Variants in DDR2 observed in about 807,000 individuals in gnomAD.
DDR2 encodes the protein discoidin domain receptor tyrosine kinase 2.
Under a neutral mutation model 94.9 loss-of-function variants are expected in DDR2, and 27 were observed. That is an observed-to-expected ratio of 0.28 (90% CI 0.21 to 0.39). The LOEUF is 0.39. DDR2 is among the 10% of genes least tolerant of loss of function. DDR2 has a pLI of 1.00. For missense variants in DDR2, 783 were observed against 1,076.0 expected (o/e 0.73, Z 3.81); for synonymous variants, 382 against 377.2 (o/e 1.01, Z -0.15).
chr1:162,701,561 G>A lies in DDR2; in HGVS notation c.-27-17476G>A, dbSNP rs187804587. Among the ~76,000 whole-genome samples the A allele has an allele frequency of 1.1e-3, 175 of 152,300 alleles. 1 individual carries two copies. The highest frequency in any genetic ancestry group is 6.8e-3 in the Middle Eastern group (2 of 294). ...TCAAGTTAACCTGCTTTTGCACTCT[G>A]GTGAACAGACACATAGATTATTAAA... On this transcript the variant is annotated intron_variant, in intron 2 of 17. Coordinates refer to ENST00000367921, the MANE Select transcript of DDR2 (RefSeq NM_006182.4).
Position 162,777,440 on chromosome 1 carries a change from C to G in DDR2, c.2283+1070C>G, listed in dbSNP as rs1295354794. ...CTATAATTTGATATTTAAGTACTTT[C>G]CAATTTCCTGCTATTATGAATGATG... On this transcript the variant is annotated intron_variant, in intron 16 of 17. Coordinates refer to ENST00000367921, the MANE Select transcript of DDR2 (RefSeq NM_006182.4). Among the ~76,000 whole-genome samples the G allele has an allele frequency of 3.3e-5, 5 of 151,018 alleles. No homozygotes were observed. The East Asian group carries it at 7.8e-4, about 24-fold the overall frequency.
At position 162,770,384 on chromosome 1, in the gene DDR2, C is replaced by A; in HGVS notation, c.1376C>A (p.Ser459Tyr). Reference protein sequence around the residue: ...SDSSMFNNNRSSSPSEQGSNS... With the variant: ...SDSSMFNNNRYSSPSEQGSNS... ...TCTAGCATGTTCAACAATAACCGCT[C>A]CTCATCACCTAGTGAACAAGGGTCC... is the stretch of plus-strand genomic sequence containing the variant. The change falls in exon 12 of 18, where the codon TCC becomes TAC. Residue 459 changes from serine (S) to tyrosine (Y), a missense_variant. Coordinates refer to ENST00000367921, the MANE Select transcript of DDR2 (RefSeq NM_006182.4). 1 of 1,614,078 alleles carries A rather than the reference C, an allele frequency of 6.2e-7. No individual in the cohort carries two copies. The highest frequency in any genetic ancestry group is 8.5e-7 in the Non-Finnish European group (1 of 1,180,010).
intron 4 of DDR2, among the ~76,000 whole-genome samples, chr1:162,753,604 A>ATCAC (rs1663317822): frequency 6.6e-6 from 1 of 152,146 alleles, no homozygotes; most frequent in Non-Finnish European, 1.5e-5. Flanking sequence ...TCTATGAAAC[A>ATCAC]TCACTCACTG....
intron 2 of DDR2, among the ~76,000 whole-genome samples, chr1:162,697,409 C>G (rs1178564096): frequency 6.6e-6 from 1 of 152,166 alleles, no homozygotes; most frequent in Non-Finnish European, 1.5e-5. Context: ...ACTGAAGTGT[C>G]CCAACAAATG....
At chr1:162,716,950 T>C (rs1661192885) in intron 2 of DDR2, among the ~76,000 whole-genome samples, 1 of 152,210 alleles carries the variant, frequency 6.6e-6, no homozygotes, top group South Asian at 2.1e-4. Flanking sequence ...TTTATAATAT[T>C]GTGTCACATA....
intron 3 of DDR2, among the ~76,000 whole-genome samples, chr1:162,750,318 C>CA (rs1290991356): frequency 1.3e-5 from 2 of 152,060 alleles, no homozygotes; most frequent in African/African-American, 4.8e-5. Context: ...AATCAATGTG[C>CA]AAAAAATCAC....
intron 1 of DDR2, among the ~76,000 whole-genome samples, chr1:162,644,745 C>A (rs143787677): frequency 9.3e-4 from 142 of 152,128 alleles, no homozygotes; most frequent in African/African-American, 3.3e-3. Context: ...TACAGGCATG[C>A]ACTACCACAC....
chr1:162,680,567 T>C (rs915412689), intron 2 of DDR2, among the ~76,000 whole-genome samples: 3 of 152,186 alleles, frequency 2.0e-5, no homozygotes, highest in African/African-American at 4.8e-5. Flanking sequence ...TTAAGTCGAG[T>C]AACATGATAC....
rs765885307 is a variant in DDR2, at chr1:162,755,237, A to C, written c.499A>C (p.Ile167Leu). Residue 167 changes from isoleucine (I) to leucine (L), a missense_variant, in exon 6 of 18, where the codon ATT (isoleucine) becomes CTT (leucine). Physicochemically the swap from Ile to Leu is conservative, Grantham distance 5. Coordinates refer to ENST00000367921, the MANE Select transcript of DDR2 (RefSeq NM_006182.4). ...CATTGTAGCCAGATTTGTCCGGTTC[A>C]TTCCAGTCACCGACCACTCCATGAA... Reference protein sequence around the residue: ...PPIVARFVRFIPVTDHSMNVC... With the variant: ...PPIVARFVRFLPVTDHSMNVC... 1.2e-6 allele frequency: 2 copies of C among 1,614,110 alleles called. No homozygotes were observed. The highest frequency in any genetic ancestry group is 8.5e-7 in the Non-Finnish European group (1 of 1,180,022).
At chr1:162,717,180 C>T (rs1454191123) in intron 2 of DDR2, among the ~76,000 whole-genome samples, 2 of 152,016 alleles carry the variant, frequency 1.3e-5, no homozygotes, top group African/African-American at 2.4e-5. Context: ...GGATTACAGG[C>T]ACCCACCACC....
rs767503089 is a variant in DDR2 at position 162,754,761 on chromosome 1, G to C, written c.323G>C (p.Gly108Ala). Residue 108 changes from glycine to alanine, a missense_variant, in exon 5 of 18, where the codon GGA becomes GCA. Physicochemically the swap from Gly to Ala is moderately conservative, Grantham distance 60 (BLOSUM62 0). Coordinates refer to ENST00000367921, the MANE Select transcript of DDR2 (RefSeq NM_006182.4). ...GTGGGGACCCAGGGGCGCCATGCAG[G>C]AGGTCATGGCATCGAGTTTGCCCCC... ...TLVGTQGRHA[G>A]GHGIEFAPMY... The C allele has an allele frequency of 6.2e-7, 1 of 1,614,126 alleles. No homozygotes were observed. The highest frequency in any genetic ancestry group is 8.5e-7 in the Non-Finnish European group (1 of 1,180,018).
At position 162,778,656 on chromosome 1, in the gene DDR2, A is replaced by G. The variant is rs2102206602; in HGVS notation, c.2360A>G (p.Gln787Arg). ...GAGACTTTCACCTTTTGTCAAGAACAGCCCTATTCCCAGCTGTCAGATGAA... is the reference window on the plus strand; with the variant it reads ...GAGACTTTCACCTTTTGTCAAGAACGGCCCTATTCCCAGCTGTCAGATGAA... Reference protein sequence around the residue: ...LWETFTFCQEQPYSQLSDEQV... With the variant: ...LWETFTFCQERPYSQLSDEQV... The change falls in exon 17 of 18, where the codon CAG becomes CGG. Residue 787 changes from glutamine (Q) to arginine (R), a missense_variant. Gln to Arg is a conservative substitution (Grantham distance 43). Around this residue, in one of 2 missense-constraint regions of DDR2, gnomAD observed 264 missense variants for 428.2 expected, o/e 0.62. Transcript: ENST00000367921. 6.2e-7 allele frequency: 1 copy of G among 1,614,062 alleles called. No individual in the cohort carries two copies. Among genetic ancestry groups the G allele is most frequent in the Non-Finnish European group, 8.5e-7 (1 of 1,179,934 alleles).
chr1:162,664,074 T>C (rs1371264700), intron 2 of DDR2, among the ~76,000 whole-genome samples: 1 of 152,034 alleles, frequency 6.6e-6, no homozygotes, highest in African/African-American at 2.4e-5. Context: ...GATCAGAAGA[T>C]AGGAGAAAGC....
rs191959547 is a variant in DDR2, at chr1:162,687,565, T to G, written c.-27-31472T>G. On this transcript the variant is annotated intron_variant, in intron 2 of 17. Transcript: ENST00000367921. Reference sequence around the variant, plus strand: ...TTCCCAACTGTCTTAGGAAAAGAGCTCTAATGTTGGAGCCAGTAGCCCTGC... The same window carrying G: ...TTCCCAACTGTCTTAGGAAAAGAGCGCTAATGTTGGAGCCAGTAGCCCTGC... Among the ~76,000 whole-genome samples the G allele has an allele frequency of 5.9e-5, 9 of 152,286 alleles. No individual in the cohort carries two copies. In the East Asian group the frequency reaches 1.5e-3, roughly 26 times the overall value.
intron 3 of DDR2, among the ~76,000 whole-genome samples, chr1:162,750,990 T>C (rs1663165118): frequency 6.6e-6 from 1 of 152,132 alleles, no homozygotes; most frequent in Non-Finnish European, 1.5e-5. Flanking sequence ...TATACAAAAA[T>C]TAATTCAAGA....
intron 1 of DDR2, among the ~76,000 whole-genome samples, chr1:162,633,411 G>A (rs1222901551): frequency 2.0e-5 from 3 of 152,146 alleles, no homozygotes; most frequent in Non-Finnish European, 4.4e-5. Flanking sequence ...AAGCCAGTAG[G>A]GGGTTCAGCA....
At chr1:162,744,701 A>C (rs938725532) in intron 3 of DDR2, among the ~76,000 whole-genome samples, 2 of 151,372 alleles carry the variant, frequency 1.3e-5, no homozygotes, top group Admixed American at 6.6e-5. Context: ...TTTAAAGCTG[A>C]ATAAGATTCC....
chr1:162,702,803 T>G (rs980064093), intron 2 of DDR2, among the ~76,000 whole-genome samples: 4 of 152,182 alleles, frequency 2.6e-5, no homozygotes, highest in African/African-American at 9.7e-5. Flanking sequence ...GATTACACCA[T>G]TAGTTCAGCA....
At chr1:162,743,020 T>C (rs1313183261) in intron 3 of DDR2, among the ~76,000 whole-genome samples, 2 of 152,230 alleles carry the variant, frequency 1.3e-5, no homozygotes, top group Non-Finnish European at 2.9e-5. Flanking sequence ...ACAATTCAAG[T>C]TGAGACTTGG....
Sources: gnomAD v4.1 joint callset for allele counts (sites outside exome capture counted in the v4.1 genomes callset) on GRCh38, gnomAD v4.1.1 for gene constraint, gnomAD v4.1.1 regional missense constraint, MANE v1.5 for transcripts, NCBI Gene and HGNC (gene_info 2026-07-23, HGNC 2026-07-21) for gene names.